The following FHIT variants were observed in gnomAD, a reference collection of about 807,000 sequenced individuals.
FHIT encodes the protein fragile histidine triad diadenosine triphosphatase.
Under a neutral mutation model 17.9 loss-of-function variants are expected in FHIT, and 19 were observed. The observed-to-expected ratio is 1.06, with a 90% confidence interval of 0.74 to 1.56. The LOEUF is 1.56. Ranked by LOEUF, FHIT falls within the 40% of genes most tolerant of loss-of-function variation. The pLI is 0.00. For synonymous variants in FHIT, 81 were observed against 69.7 expected, an observed-to-expected ratio of 1.16 and a Z score of -0.81; for missense variants, 248 against 189.2, an observed-to-expected ratio of 1.31 and a Z score of -1.82.
intron 8 of FHIT, among the ~76,000 whole-genome samples, chr3:59,920,747 T>C (rs1705362437): frequency 1.3e-5 from 2 of 152,256 alleles, no homozygotes; most frequent in Non-Finnish European, 1.5e-5. Flanking sequence ...TTGGTATTTG[T>C]ATTTTAATTA....
chr3:60,763,956 C>T (rs1299346510), intron 4 of FHIT, among the ~76,000 whole-genome samples: 5 of 152,164 alleles, frequency 3.3e-5, no homozygotes, highest in Non-Finnish European at 5.9e-5. Flanking sequence ...TCCATGGTCT[C>T]ATTTCATTTT....
At chr3:60,196,449 C>T (rs905372436) in intron 5 of FHIT, among the ~76,000 whole-genome samples, 2 of 152,126 alleles carry the variant, frequency 1.3e-5, no homozygotes, top group African/African-American at 2.4e-5. Flanking sequence ...TATAAGGACC[C>T]TTGTGAATAC....
intron 3 of FHIT, among the ~76,000 whole-genome samples, chr3:61,020,388 GTT>G (rs1012692078): frequency 1.3e-5 from 2 of 152,032 alleles, no homozygotes; most frequent in African/African-American, 2.4e-5. Flanking sequence ...GGGGTTGTTT[GTT>G]TTTTTCTTGT....
Position 60,179,165 on chromosome 3 carries a change from G to A in FHIT, c.104-165013C>T, listed in dbSNP as rs78717989. Among the ~76,000 whole-genome samples, 396 of 152,240 alleles carry A rather than the reference G, an allele frequency of 2.6e-3. 2 individuals are homozygous for A. The highest frequency in any genetic ancestry group is 8.9e-3 in the African/African-American group (371 of 41,546). ...ACCACGTGGCCGCATTCCATTAGGC[G>A]CATTTCAGTCTCAGTAAATCACCGC... On this transcript the variant is annotated intron_variant, in intron 5 of 9. Transcript: ENST00000492590.
intron 3 of FHIT, among the ~76,000 whole-genome samples, chr3:60,926,775 T>A (rs188285442): frequency 2.0e-5 from 3 of 152,128 alleles, no homozygotes; most frequent in Non-Finnish European, 4.4e-5. Context: ...AGCTGGTTTT[T>A]TGAAAAGATC....
intron 5 of FHIT, among the ~76,000 whole-genome samples, chr3:60,222,502 T>A (rs1704007734): frequency 6.6e-6 from 1 of 152,148 alleles, no homozygotes; most frequent in Non-Finnish European, 1.5e-5. Flanking sequence ...TTAAAAGTAA[T>A]GGCAAAGGCC....
chr3:60,187,239 T>C (rs983842081), intron 5 of FHIT, among the ~76,000 whole-genome samples: 1 of 152,072 alleles, frequency 6.6e-6, no homozygotes, highest in Admixed American at 6.6e-5. Context: ...AATGTCAAAC[T>C]GCAATCAACA....
At chr3:60,708,644 G>A (rs1553704160) in intron 4 of FHIT, among the ~76,000 whole-genome samples, 1 of 152,118 alleles carries the variant, frequency 6.6e-6, no homozygotes, top group Non-Finnish European at 1.5e-5. Flanking sequence ...AAACATGAAT[G>A]GCCCTAAAAT....
Position 61,014,779 on chromosome 3 carries a change from C to CA in FHIT, c.-111+27267dup, listed in dbSNP as rs869289360. 5.0e-4 allele frequency among the ~76,000 whole-genome samples: 33 copies of CA among 65,806 alleles called. 1 individual carries two copies. Among genetic ancestry groups the CA allele is most frequent in the African/African-American group, 1.6e-3 (14 of 8,666 alleles). 43.2% of individuals were successfully genotyped at this position (65,806 alleles called of 152,430 possible). ...TGGGTGACAGAGCGAGACTCTGCCTCAAAAAAAAAAAAAAAAAAAAAAAAA... is the reference window on the plus strand; with the variant it reads ...TGGGTGACAGAGCGAGACTCTGCCTCAAAAAAAAAAAAAAAAAAAAAAAAAA... On this transcript the variant is annotated intron_variant, in intron 3 of 9. Coordinates refer to ENST00000492590, the MANE Select transcript of FHIT (RefSeq NM_002012.4).
At chr3:59,754,358 A>G (rs1701089076) in intron 8 of FHIT, among the ~76,000 whole-genome samples, 1 of 152,244 alleles carries the variant, frequency 6.6e-6, no homozygotes, top group African/African-American at 2.4e-5. Flanking sequence ...TTAGTGAAAG[A>G]AAACCACATT....
At chr3:60,185,553 G>A (rs541085793) in intron 5 of FHIT, among the ~76,000 whole-genome samples, 5 of 152,100 alleles carry the variant, frequency 3.3e-5, no homozygotes, top group African/African-American at 1.2e-4. Context: ...CCAGTTTGGG[G>A]AATTATGAAT....
intron 5 of FHIT, among the ~76,000 whole-genome samples, chr3:60,354,661 A>G (rs1356910323): frequency 6.6e-6 from 1 of 152,178 alleles, no homozygotes; most frequent in African/African-American, 2.4e-5. Context: ...ACAATTCTAT[A>G]TCAAAGCCAA....
chr3:61,016,929 C>T (rs1313126806), intron 3 of FHIT, among the ~76,000 whole-genome samples: 9 of 152,198 alleles, frequency 5.9e-5, no homozygotes, highest in Admixed American at 5.9e-4. Context: ...GACCTGTATA[C>T]TTGCAAGGGC....
chr3:60,516,025 CG>C (rs1366667621), intron 5 of FHIT, among the ~76,000 whole-genome samples: 1 of 151,988 alleles, frequency 6.6e-6, no homozygotes, highest in Admixed American at 6.6e-5. Context: ...GTGGGGAAGG[CG>C]GGGAAGGCAG....
intron 8 of FHIT, among the ~76,000 whole-genome samples, chr3:59,755,904 G>GAGTT (rs545685245): frequency 3.0e-4 from 45 of 151,936 alleles, no homozygotes; most frequent in African/African-American, 9.2e-4. Flanking sequence ...AAGAAGGCGA[G>GAGTT]AGTTAGTTAG....
At chr3:60,000,891 G>A (rs1036688570) in intron 7 of FHIT, among the ~76,000 whole-genome samples, 3 of 152,116 alleles carry the variant, frequency 2.0e-5, no homozygotes, top group Non-Finnish European at 4.4e-5. Flanking sequence ...CTAAATTTCT[G>A]CCACCTGGTC....
chr3:61,148,214 T>C (rs186989755), intron 2 of FHIT, among the ~76,000 whole-genome samples: 5 of 152,226 alleles, frequency 3.3e-5, no homozygotes, highest in African/African-American at 1.2e-4. Context: ...TTTCTCTCTA[T>C]GGTATATTTA....
Position 60,531,576 on chromosome 3 carries a change from C to T in FHIT, c.103+5284G>A, listed in dbSNP as rs771475645. Among the ~76,000 whole-genome samples, 26 of 152,116 alleles carry T rather than the reference C, an allele frequency of 1.7e-4. 1 individual carries two copies. Among genetic ancestry groups the T allele is most frequent in the Non-Finnish European group, 2.9e-4 (20 of 68,032 alleles). On this transcript the variant is annotated intron_variant, in intron 5 of 9. Coordinates refer to ENST00000492590, the MANE Select transcript of FHIT (RefSeq NM_002012.4). ...TACAGGCGTGAGCCACCGCGCCCGG[C>T]CGAAAAGAAACTCTTTAGAGAAATG...
At chr3:60,551,798 C>T (rs1395316728) in intron 4 of FHIT, among the ~76,000 whole-genome samples, 2 of 151,018 alleles carry the variant, frequency 1.3e-5, no homozygotes, top group Non-Finnish European at 3.0e-5. Context: ...GCATATGCCC[C>T]ATTCCCAGAT....
Sources: gnomAD v4.1 joint callset for allele counts (sites outside exome capture counted in the v4.1 genomes callset) on GRCh38, gnomAD v4.1.1 for gene constraint, MANE v1.5 for transcripts, NCBI Gene and HGNC (gene_info 2026-07-23, HGNC 2026-07-21) for gene names.